Variants in PPP2R2B observed in about 807,000 individuals in gnomAD.
PPP2R2B encodes the protein protein phosphatase 2 regulatory subunit Bbeta.
PPP2R2B carries 5 observed loss-of-function variants against 46.0 expected under a neutral mutation model. The observed-to-expected ratio is 0.11, with a 90% confidence interval of 0.06 to 0.23. The LOEUF (loss-of-function observed/expected upper bound fraction) is 0.23, where lower values mean the gene tolerates loss of function less well. PPP2R2B is among the 10% of genes least tolerant of loss of function. The pLI is 1.00. For missense variants in PPP2R2B, 367 were observed against 575.0 expected (o/e 0.64, Z 3.70); for synonymous variants, 215 against 206.7 (o/e 1.04, Z -0.34).
At chr5:146,934,001 G>C (rs1764055647) in intron 1 of PPP2R2B, among the ~76,000 whole-genome samples, 1 of 152,104 alleles carries the variant, frequency 6.6e-6, no homozygotes, top group Admixed American at 6.6e-5. Context: ...TCACTACAAA[G>C]GACATGAACT....
chr5:146,917,888 T>C (rs1763450604), intron 1 of PPP2R2B: 1 of 152,160 alleles, frequency 6.6e-6, no homozygotes, highest in Non-Finnish European at 1.5e-5. Context: ...AACAGTAAAG[T>C]GCCAAGCAAT....
At chr5:147,045,726 A>G (rs1007738043) in intron 1 of PPP2R2B, among the ~76,000 whole-genome samples, 1 of 152,106 alleles carries the variant, frequency 6.6e-6, no homozygotes, top group Non-Finnish European at 1.5e-5. Flanking sequence ...AATTTATGTT[A>G]CAGAGACGTA....
intron 2 of PPP2R2B, among the ~76,000 whole-genome samples, chr5:146,790,486 C>T (rs1341082207): frequency 6.6e-6 from 1 of 152,166 alleles, no homozygotes; most frequent in East Asian, 1.9e-4. Context: ...GCTCTTTCTA[C>T]CCACAGACTA....
chr5:146,693,086 CT>C (rs2151156220), intron 4 of PPP2R2B, among the ~76,000 whole-genome samples: 1 of 152,294 alleles, frequency 6.6e-6, no homozygotes, highest in East Asian at 1.9e-4. Context: ...GGGATTCCCA[CT>C]CAGTAGGTAC....
chr5:146,818,557 C>T (rs976458975), intron 2 of PPP2R2B, among the ~76,000 whole-genome samples: 4 of 152,136 alleles, frequency 2.6e-5, no homozygotes, highest in South Asian at 2.1e-4. Context: ...CCCATTGTTC[C>T]GAGGGAACTC....
At position 146,583,957 on chromosome 5, in the gene PPP2R2B, T is replaced by A. The variant is rs909165478; in HGVS notation, c.*5990A>T. The stretch of plus-strand genomic sequence containing the variant: ...CTGTCAAATATGAGTTATGAAGAAG[T>A]GTCCTCTCCACTCTTTCTCAAACCA... On this transcript the variant is annotated 3_prime_UTR_variant, in exon 10 of 10. Coordinates refer to ENST00000394411, the MANE Select transcript of PPP2R2B (RefSeq NM_181675.4). 3 of 152,164 alleles carry A rather than the reference T, an allele frequency of 2.0e-5. No homozygotes were observed. The highest frequency in any genetic ancestry group is 4.4e-5 in the Non-Finnish European group (3 of 68,036). The allele number at this position is 152,164 out of a possible 1,614,324, so 9.4% of individuals were successfully genotyped here. A position where few individuals can be genotyped will look rare whatever the true frequency, so the allele number is the denominator to read the frequency against.
intron 2 of PPP2R2B, among the ~76,000 whole-genome samples, chr5:146,852,398 A>G (rs956581900): frequency 6.6e-6 from 1 of 152,118 alleles, no homozygotes; most frequent in Non-Finnish European, 1.5e-5. Context: ...GTGACCATTA[A>G]TATGTGAAAC....
intron 4 of PPP2R2B, among the ~76,000 whole-genome samples, chr5:146,693,059 T>C (rs2151156160): frequency 6.6e-6 from 1 of 152,266 alleles, no homozygotes; most frequent in Middle Eastern, 3.4e-3. Flanking sequence ...CTGACGCCAG[T>C]CACATGTCCA....
In PPP2R2B at chr5:146,878,001, C is replaced by T. The variant is rs562651694; in HGVS notation, c.70+1G>A. 1 of 1,611,842 alleles carries T rather than the reference C, an allele frequency of 6.2e-7. No homozygotes were observed. Among genetic ancestry groups the T allele is most frequent in the East Asian group, 2.2e-5 (1 of 44,838 alleles). ...GCGGAATGCGGCGGGGCTGGCGTTA[C>T]CTTCGGTCGCATAGCTGTGGTCGCG... On this transcript the variant is annotated splice_donor_variant, in intron 2 of 9. Transcript: ENST00000394411. LOFTEE classifies it high-confidence loss of function. This position sits in a 1 kb window ranked among gnomAD's most constrained non-coding sequence, Gnocchi z 4.5.
At chr5:146,750,624 A>G (rs1478223744) in intron 2 of PPP2R2B, among the ~76,000 whole-genome samples, 1 of 152,150 alleles carries the variant, frequency 6.6e-6, no homozygotes, top group Admixed American at 6.5e-5. Context: ...CAGCATTAGA[A>G]ACATAATAAG....
chr5:147,079,458 A>ATATATATG (rs1757906297), intron 2 of PPP2R2B, among the ~76,000 whole-genome samples: 2 of 144,768 alleles, frequency 1.4e-5, no homozygotes, highest in South Asian at 2.2e-4. Flanking sequence ...ATATATATAT[A>ATATATATG]TATATATATA....
At chr5:146,793,909 C>T (rs1306229024) in intron 2 of PPP2R2B, among the ~76,000 whole-genome samples, 2 of 152,214 alleles carry the variant, frequency 1.3e-5, no homozygotes, top group South Asian at 2.1e-4. Context: ...TCAGTGGTCC[C>T]CACACTTAGT....
chr5:147,074,551 G>A (rs1324507614), intron 2 of PPP2R2B, among the ~76,000 whole-genome samples: 2 of 152,144 alleles, frequency 1.3e-5, no homozygotes, highest in African/African-American at 4.8e-5. Context: ...AAGGCTACAA[G>A]TCTTTTTACT....
At chr5:146,986,578 A>T (rs991015518) in intron 1 of PPP2R2B, among the ~76,000 whole-genome samples, 1 of 152,198 alleles carries the variant, frequency 6.6e-6, no homozygotes, top group East Asian at 1.9e-4. Flanking sequence ...AAGTATTAAT[A>T]AAAAAACAGA....
At chr5:147,010,270 T>A (rs190347827) in intron 1 of PPP2R2B, among the ~76,000 whole-genome samples, 64 of 152,268 alleles carry the variant, frequency 4.2e-4, no homozygotes, top group African/African-American at 1.4e-3. Flanking sequence ...CAGGGGCCGG[T>A]TTTGTGGAAG....
At chr5:146,816,340 C>T (rs190399496) in intron 2 of PPP2R2B, among the ~76,000 whole-genome samples, 4 of 152,282 alleles carry the variant, frequency 2.6e-5, no homozygotes, top group Admixed American at 2.0e-4. Context: ...GCTGAGGCGG[C>T]AGTGAGCCAT....
chr5:146,899,473 G>T (rs1446909952), intron 1 of PPP2R2B, among the ~76,000 whole-genome samples: 3 of 125,842 alleles, frequency 2.4e-5, no homozygotes, highest in Non-Finnish European at 4.8e-5. Context: ...GGGGACTGTT[G>T]TGGGGTGGGG....
intron 1 of PPP2R2B, among the ~76,000 whole-genome samples, chr5:146,965,394 T>A (rs1752356873): frequency 6.6e-6 from 1 of 152,196 alleles, no homozygotes; most frequent in Non-Finnish European, 1.5e-5. Flanking sequence ...GATTAGCCAG[T>A]TTTCAGGATA....
At position 146,933,031 on chromosome 5, in the gene PPP2R2B, G is replaced by C. The variant is rs966074205; in HGVS notation, c.79+122634C>G. On this transcript the variant is annotated intron_variant, in intron 1 of 8. Transcript: ENST00000336640. ...GCACTAAGCATGCTAAAATATTCACGTGGGAATTATATCATATGCTGTTTT... is the reference window on the plus strand; with the variant it reads ...GCACTAAGCATGCTAAAATATTCACCTGGGAATTATATCATATGCTGTTTT... Among the ~76,000 whole-genome samples, 2 of 152,132 alleles carry C rather than the reference G, an allele frequency of 1.3e-5. 1 individual carries two copies. Among genetic ancestry groups the C allele is most frequent in the Admixed American group, 1.3e-4 (2 of 15,262 alleles).
Sources: allele counts gnomAD v4.1 joint callset (sites outside exome capture counted in the v4.1 genomes callset), GRCh38; gene constraint gnomAD v4.1.1; non-coding constraint Gnocchi (gnomAD v3.1); transcripts MANE v1.5; gene names NCBI Gene and HGNC (gene_info 2026-07-23, HGNC 2026-07-21).